CSTPP1: variants seen among roughly 807,000 people sequenced by gnomAD.
CSTPP1 encodes the protein centriolar satellite-associated tubulin polyglutamylase complex regulator 1.
At chr11:47,127,740 C>T in the CSTPP1 span, among the ~76,000 whole-genome samples, 2 of 152,018 alleles carry the variant, frequency 1.3e-5, no homozygotes, top group East Asian at 1.9e-4. Flanking sequence ...TCATGATTAG[C>T]ATTATCATTA....
chr11:47,013,026 CTATATATAATAAT>C, the CSTPP1 span, among the ~76,000 whole-genome samples: 1 of 145,380 alleles, frequency 6.9e-6, no homozygotes, highest in African/African-American at 2.5e-5. Flanking sequence ...TAAATAATAA[CTATATATAATAAT>C]ATGTTATTAT....
the CSTPP1 span, chr11:47,157,822 C>T: frequency 2.5e-6 from 4 of 1,614,058 alleles, no homozygotes; most frequent in South Asian, 4.4e-5. Flanking sequence ...GCTGCCCACC[C>T]CCAGCACTTG....
At chr11:47,076,604 G>A in the CSTPP1 span, among the ~76,000 whole-genome samples, 1 of 152,094 alleles carries the variant, frequency 6.6e-6, no homozygotes. Context: ...ACTTTGGGAG[G>A]CCGAGGAGGG....
chr11:47,151,944 A>G, the CSTPP1 span, among the ~76,000 whole-genome samples: 1 of 152,000 alleles, frequency 6.6e-6, no homozygotes, highest in Non-Finnish European at 1.5e-5. Context: ...GTTGTAGAAT[A>G]AAATTTAATT....
chr11:47,036,226 ATATAATATAT>A, the CSTPP1 span, among the ~76,000 whole-genome samples: 1 of 44,960 alleles, frequency 2.2e-5, no homozygotes, highest in Non-Finnish European at 5.3e-5. Context: ...TATATAATAT[ATATAATATAT>A]TATATTTATA....
the CSTPP1 span, among the ~76,000 whole-genome samples, chr11:46,977,463 C>T: frequency 4.6e-5 from 7 of 152,244 alleles, no homozygotes; most frequent in Non-Finnish European, 1.0e-4. Context: ...TTATGTCCAG[C>T]TAGCCTGCAT....
chr11:46,941,046 T>A, the CSTPP1 span, among the ~76,000 whole-genome samples: 6 of 152,092 alleles, frequency 3.9e-5, no homozygotes, highest in East Asian at 3.9e-4. Flanking sequence ...GAGTCTCAGG[T>A]TGGTTGAAAA....
chr11:46,987,440 T>C, the CSTPP1 span: 1 of 792,398 alleles, frequency 1.3e-6, no homozygotes, highest in Non-Finnish European at 2.1e-6. Flanking sequence ...TTTGGTAGGT[T>C]GGTTGTGGGC....
the CSTPP1 span, among the ~76,000 whole-genome samples, chr11:46,995,756 G>A: frequency 6.6e-6 from 1 of 152,184 alleles, no homozygotes; most frequent in Non-Finnish European, 1.5e-5. Flanking sequence ...ATATTCTGTT[G>A]ATATGGGGTG....
chr11:46,969,237 G>C, the CSTPP1 span, among the ~76,000 whole-genome samples: 2 of 152,146 alleles, frequency 1.3e-5, no homozygotes, highest in Non-Finnish European at 2.9e-5. Flanking sequence ...GAATACAAGG[G>C]CCTGAAGCCC....
the CSTPP1 span, among the ~76,000 whole-genome samples, chr11:47,116,209 A>G: frequency 2.6e-5 from 4 of 152,114 alleles, no homozygotes; most frequent in African/African-American, 7.2e-5. Flanking sequence ...GTTCTTTTAC[A>G]TTTGCTGAGG....
At chr11:47,037,752 G>A in the CSTPP1 span, among the ~76,000 whole-genome samples, 7 of 123,686 alleles carry the variant, frequency 5.7e-5, no homozygotes, top group Admixed American at 8.6e-5. Flanking sequence ...TTTTCTTAGT[G>A]CAGAACAAAA....
At chr11:47,157,352 C>A in the CSTPP1 span, 1 of 989,434 alleles carries the variant, frequency 1.0e-6, no homozygotes. Flanking sequence ...TGTAACAGTG[C>A]CATTTGCCCC....
the CSTPP1 span, chr11:47,041,812 T>A: frequency 3.6e-4 from 167 of 460,410 alleles, 40 homozygotes; most frequent in Middle Eastern, 2.8e-3. Context: ...AATACTTTCA[T>A]GCCCTTTTGA....
chr11:47,157,232 A>T, the CSTPP1 span: 2 of 1,547,600 alleles, frequency 1.3e-6, no homozygotes, highest in Non-Finnish European at 1.7e-6. Context: ...AGGAACGGGC[A>T]TGCAGCCCCC....
chr11:46,954,507 CCA>C, the CSTPP1 span, among the ~76,000 whole-genome samples: 1 of 151,670 alleles, frequency 6.6e-6, no homozygotes, highest in Non-Finnish European at 1.5e-5. Context: ...CGAGATCGTA[CCA>C]CTGCACTTCA....
the CSTPP1 span, among the ~76,000 whole-genome samples, chr11:47,012,010 C>T: frequency 2.0e-5 from 3 of 152,120 alleles, no homozygotes; most frequent in East Asian, 3.9e-4. Context: ...CATGATGGCT[C>T]GTGCCTATAA....
chr11:47,115,593 T>A, the CSTPP1 span, among the ~76,000 whole-genome samples: 2 of 152,228 alleles, frequency 1.3e-5, no homozygotes, highest in African/African-American at 2.4e-5. Context: ...TCTAGTTTAT[T>A]TGCGTAAATG....
At chr11:47,147,484 C>T in the CSTPP1 span, among the ~76,000 whole-genome samples, 1 of 152,162 alleles carries the variant, frequency 6.6e-6, no homozygotes, top group Non-Finnish European at 1.5e-5. Flanking sequence ...ACCCCTAGCT[C>T]TCAGGCTTCT....
Sources: allele counts gnomAD v4.1 joint callset (sites outside exome capture counted in the v4.1 genomes callset), GRCh38; gene constraint gnomAD v4.1.1; transcripts MANE v1.5; gene names NCBI Gene and HGNC (gene_info 2026-07-23, HGNC 2026-07-21).